Variants in TBC1D13 observed in about 807,000 individuals in gnomAD.
TBC1D13 encodes the protein epididymis secretory sperm binding protein.
A neutral mutation model predicts 53.6 loss-of-function variants in TBC1D13; 40 were observed. The observed-to-expected ratio is 0.75, with a 90% CI of 0.58 to 0.97. The LOEUF is 0.97. TBC1D13 is among the 50% of genes least tolerant of loss of function. The pLI, the probability that TBC1D13 is intolerant of heterozygous loss-of-function variation, is 0.00. For synonymous variants in TBC1D13, 182 were observed against 197.7 expected (o/e 0.92, Z 0.67); for missense variants, 377 against 499.4 (o/e 0.75, Z 2.34).
intron 10 of TBC1D13, 69 bp from the exon 11 acceptor site, chr9:128,806,185 G>T: frequency 6.2e-7 from 1 of 1,610,268 alleles, no homozygotes; most frequent in South Asian, 1.1e-5. Flanking sequence ...TGGGTAGGGA[G>T]GGAGGAGTGG....
At chr9:128,806,229 G>C in intron 10 of TBC1D13, 25 bp from the exon 11 acceptor site, 1 of 1,614,130 alleles carries the variant, frequency 6.2e-7, no homozygotes, top group Non-Finnish European at 8.5e-7. Flanking sequence ...CCAGGTCCCA[G>C]CGCTTTTGCT....
intron 7 of TBC1D13, 92 bp downstream of exon 7, chr9:128,797,306 G>A (rs1829649941): frequency 2.2e-6 from 3 of 1,366,916 alleles, no homozygotes; most frequent in Non-Finnish European, 3.0e-6. Flanking sequence ...GTCGGGCCAT[G>A]ACCATCTGCT....
chr9:128,792,413 C>A, intron 5 of TBC1D13, 79 bp from the exon 6 acceptor site: 1 of 1,301,870 alleles, frequency 7.7e-7, no homozygotes, highest in Non-Finnish European at 1.1e-6. Context: ...AGCAAGGCCA[C>A]TGCTCAGGTT....
At chr9:128,806,886 G>C (rs1829844738) in intron 11 of TBC1D13, among the ~76,000 whole-genome samples, 1 of 151,784 alleles carries the variant, frequency 6.6e-6, no homozygotes. Flanking sequence ...GGAGGTTGCA[G>C]TGAGCCAAGA....
rs1829783101 is a variant in TBC1D13 at position 128,804,021 on chromosome 9, A to G, written c.820A>G (p.Ile274Val). Residue 274 changes from isoleucine (I) to valine (V), a missense_variant, in exon 9 of 12, where the codon ATC (isoleucine) becomes GTC (valine). Transcript: ENST00000372648. ...NLMAEIRDNF[I>V]KSLDDSQCGI... is the part of the protein sequence containing the mutation. The stretch of plus-strand genomic sequence containing the variant: ...CATGGCCGAGATCCGGGACAACTTT[A>G]TCAAGAGCCTGGATGACTCGCAGTG... 8.1e-6 allele frequency: 13 copies of G among 1,613,952 alleles called. No homozygotes were observed. The highest frequency in any genetic ancestry group is 1.3e-5 in the African/African-American group (1 of 74,922).
At chr9:128,788,308 A>C in intron 1 of TBC1D13, 26 bp from the exon 2 acceptor site, 1 of 1,611,730 alleles carries the variant, frequency 6.2e-7, no homozygotes, top group Non-Finnish European at 8.5e-7. Context: ...AGCATGCTTC[A>C]TTTGCCGCCC....
chr9:128,800,781 A>G (rs954919644), intron 7 of TBC1D13, among the ~76,000 whole-genome samples: 1 of 152,130 alleles, frequency 6.6e-6, no homozygotes, highest in African/African-American at 2.4e-5. Context: ...ACATTGCTTT[A>G]TTTGTGTGTG....
intron 3 of TBC1D13, 118 bp from the exon 4 acceptor site, chr9:128,791,262 C>G (rs988150815): frequency 8.2e-6 from 8 of 976,064 alleles, no homozygotes; most frequent in Middle Eastern, 2.1e-4. Context: ...TGGATTTTAG[C>G]CCATCTTGTC....
chr9:128,792,970 C>A (rs1564423252), intron 6 of TBC1D13, among the ~76,000 whole-genome samples: 1 of 152,194 alleles, frequency 6.6e-6, no homozygotes, highest in Admixed American at 6.5e-5. Context: ...AGACATTCAG[C>A]CCATTAGATC....
chr9:128,808,014 A>AC lies in TBC1D13; in HGVS notation c.*136dup, dbSNP rs1829869472. ...TCGGCCCGAGACCCAGGCCATGCCC[A>AC]CTGGGGACACACTGTGCCGTGCTCC... On this transcript the variant is annotated 3_prime_UTR_variant, in exon 12 of 12. Transcript: ENST00000372648. 2.8e-5 allele frequency: 22 copies of AC among 775,862 alleles called. No individual in the cohort carries two copies. The East Asian group carries it at 4.8e-4, about 17-fold the overall frequency. 48.1% of individuals were successfully genotyped at this position (775,862 alleles called of 1,614,324 possible). A position where few individuals can be genotyped will look rare whatever the true frequency, so the allele number is the denominator to read the frequency against.
rs141332528 is a variant in TBC1D13, at chr9:128,799,114, C to T, written c.543+1900C>T. Among the ~76,000 whole-genome samples the T allele has an allele frequency of 1.1e-4, 17 of 152,316 alleles. No homozygotes were observed. The East Asian group carries it at 3.3e-3, about 29-fold the overall frequency. On this transcript the variant is annotated intron_variant, in intron 7 of 11. Transcript: ENST00000372648. ...TTGGGTGCCCAGCAGAACTGCTGTG[C>T]AGTGCAGATTGCGTGACTAGATAAC...
Position 128,792,235 on chromosome 9 carries a change from A to G in TBC1D13, c.301-257A>G, listed in dbSNP as rs2132533593. Among the ~76,000 whole-genome samples, 2 of 152,348 alleles carry G rather than the reference A, an allele frequency of 1.3e-5. 1 individual carries two copies. The highest frequency in any genetic ancestry group is 4.1e-4 in the South Asian group (2 of 4,824). ...AGCTAGAGCAACGGACAGAAAAGGA[A>G]CAGAGTCCCTGCCCAGCAGAGAAGT... On this transcript the variant is annotated intron_variant, in intron 5 of 11. Transcript: ENST00000372648.
chr9:128,790,742 C>A lies in TBC1D13; in HGVS notation c.105C>A (p.Pro35=). ...KLRELSFSGI[P]CEGGLRCLCW... is the part of the protein sequence containing the mutation. ...TGCCTGCTGTGTCCACAGGCATCCC[C>A]TGTGAGGGCGGACTGCGGTGCCTCT... The change falls in exon 3 of 12, where the codon CCC becomes CCA. Residue 35 remains proline, a synonymous_variant. Transcript: ENST00000372648. The A allele has an allele frequency of 6.4e-7, 1 of 1,553,636 alleles. No individual in the cohort carries two copies. The highest frequency in any genetic ancestry group is 8.6e-7 in the Non-Finnish European group (1 of 1,158,578).
rs1554796455 is a variant in TBC1D13, at chr9:128,808,457, T to TGTGTGTGTGTG, written c.*578_*579insGTGTGTGTGTG. Reference sequence around the variant, plus strand: ...TGTGTGTGTGTGTGTGTGTGTGTGTTAGGGAGTGAGGGTCTCTCAGGCCTC... The same window carrying TGTGTGTGTGTG: ...TGTGTGTGTGTGTGTGTGTGTGTGTTGTGTGTGTGTGAGGGAGTGAGGGTCTCTCAGGCCTC... On this transcript the variant is annotated 3_prime_UTR_variant, in exon 12 of 12. Coordinates refer to ENST00000372648, the MANE Select transcript of TBC1D13 (RefSeq NM_018201.5). 5.5e-4 allele frequency: 28 copies of TGTGTGTGTGTG among 51,152 alleles called. No homozygotes were observed. The highest frequency in any genetic ancestry group is 1.2e-3 in the African/African-American group (13 of 10,852). The allele number at this position is 51,152 out of a possible 1,614,324, so 3.2% of individuals were successfully genotyped here. A position where few individuals can be genotyped will look rare whatever the true frequency, so the allele number is the denominator to read the frequency against.
At position 128,808,074 on chromosome 9, in the gene TBC1D13, C is replaced by T. The variant is rs1437922873; in HGVS notation, c.*195C>T. 4 of 597,720 alleles carry T rather than the reference C, an allele frequency of 6.7e-6. No individual in the cohort carries two copies. Among genetic ancestry groups the T allele is most frequent in the Non-Finnish European group, 1.2e-5 (4 of 331,550 alleles). 37.0% of individuals were successfully genotyped at this position (597,720 alleles called of 1,614,324 possible). On this transcript the variant is annotated 3_prime_UTR_variant, in exon 12 of 12. Coordinates refer to ENST00000372648, the MANE Select transcript of TBC1D13 (RefSeq NM_018201.5). The stretch of plus-strand genomic sequence containing the variant: ...CACGCCCAGCTCCCCACCTGCCCTG[C>T]ACTCTGCCCTCTTTGCCCAGGATAC...
intron 6 of TBC1D13, among the ~76,000 whole-genome samples, chr9:128,793,595 G>C (rs1829573662): frequency 6.6e-6 from 1 of 152,194 alleles, no homozygotes; most frequent in South Asian, 2.1e-4. Flanking sequence ...CAGGCTAAGG[G>C]CACAGAACGG....
intron 5 of TBC1D13, among the ~76,000 whole-genome samples, chr9:128,792,209 G>A (rs1209369204): frequency 1.3e-5 from 2 of 152,228 alleles, no homozygotes; most frequent in Non-Finnish European, 2.9e-5. Flanking sequence ...CAAAGTTCTT[G>A]AGCTAGAGCA....
chr9:128,788,294 T>A (rs1294105959), intron 1 of TBC1D13, 40 bp from the exon 2 acceptor site: 14 of 1,591,418 alleles, frequency 8.8e-6, no homozygotes, highest in Non-Finnish European at 1.2e-5. Context: ...ACTGAGCCGA[T>A]ATCAGCATGC....
chr9:128,808,499 T>C lies in TBC1D13; in HGVS notation c.*620T>C. On this transcript the variant is annotated 3_prime_UTR_variant, in exon 12 of 12. Transcript: ENST00000372648. Reference sequence around the variant, plus strand: ...TCAGGCCTCCAGGTCTCCCAGCCCCTCCTTCTCTGTCTCTACCTCTCTGCC... The same window carrying C: ...TCAGGCCTCCAGGTCTCCCAGCCCCCCCTTCTCTGTCTCTACCTCTCTGCC... The C allele has an allele frequency of 6.3e-6, 1 of 159,908 alleles. No homozygotes were observed. The highest frequency in any genetic ancestry group is 1.3e-5 in the Non-Finnish European group (1 of 74,606). The allele number at this position is 159,908 out of a possible 1,614,324, so 9.9% of individuals were successfully genotyped here. A position where few individuals can be genotyped will look rare whatever the true frequency, so the allele number is the denominator to read the frequency against.
Sources: gnomAD v4.1 joint callset for allele counts (sites outside exome capture counted in the v4.1 genomes callset) on GRCh38, gnomAD v4.1.1 for gene constraint, MANE v1.5 for transcripts, NCBI Gene and HGNC (gene_info 2026-07-23, HGNC 2026-07-21) for gene names.